Variants in MMP26 observed in about 807,000 individuals in gnomAD.
The protein encoded by MMP26 is matrix metallopeptidase 26.
Under a neutral mutation model 31.0 loss-of-function variants are expected in MMP26, and 33 were observed. That is an observed-to-expected ratio of 1.06 (90% CI 0.81 to 1.42). The LOEUF (loss-of-function observed/expected upper bound fraction) is 1.42, where lower values mean the gene tolerates loss of function less well. Among genes scored for constraint, MMP26 ranks in the 40% most tolerant of loss-of-function variants. MMP26 has a pLI of 0.00. For missense variants in MMP26, 347 were observed against 316.1 expected, an observed-to-expected ratio of 1.10 and a Z score of -0.74; for synonymous variants, 122 against 114.9, an observed-to-expected ratio of 1.06 and a Z score of -0.40.
At chr11:4,973,750 A>T (rs1480653838) in intron 2 of MMP26, 2 of 162,648 alleles carry the variant, frequency 1.2e-5, no homozygotes, top group Non-Finnish European at 2.9e-5. Context: ...ACAGAATGGT[A>T]CAATTCCCTA....
intron 2 of MMP26, among the ~76,000 whole-genome samples, chr11:4,784,150 G>C (rs73399054): frequency 5.3e-5 from 8 of 152,142 alleles, no homozygotes; most frequent in African/African-American, 1.9e-4. Context: ...TCATCTGAAG[G>C]CCTCCTCATT....
In MMP26 at chr11:4,882,704, T is replaced by A. The variant is rs1286724829; in HGVS notation, c.-144-105364T>A. 4 of 1,613,836 alleles carry A rather than the reference T, an allele frequency of 2.5e-6. No homozygotes were observed. In the East Asian group the frequency reaches 8.9e-5, roughly 36 times the overall value. ...CTCTTTGGCACACCGCCTCTTCCACTCCACCCCAAGGGTGCTCTGTAGCAC... is the reference window on the plus strand; with the variant it reads ...CTCTTTGGCACACCGCCTCTTCCACACCACCCCAAGGGTGCTCTGTAGCAC... On this transcript the variant is annotated intron_variant, in intron 2 of 7. Coordinates refer to ENST00000380390, the MANE Select transcript of MMP26 (RefSeq NM_021801.5).
rs989641113 is a variant in MMP26 at position 4,722,811 on chromosome 11, C to G, written c.-217+17766C>G. The stretch of plus-strand genomic sequence containing the variant: ...CTCGATATTCTTCACAACCACGGCC[C>G]TGGTGGAGCTGGTGTGGCTGAAGGA... On this transcript the variant is annotated intron_variant, in intron 1 of 7. Transcript: ENST00000380390. 4.2e-6 allele frequency: 4 copies of G among 953,116 alleles called. No individual in the cohort carries two copies. The African/African-American group carries it at 6.4e-5, about 15-fold the overall frequency. The allele number at this position is 953,116 out of a possible 1,614,324, so 59.0% of individuals were successfully genotyped here.
At chr11:4,784,487 A>G (rs1173194139) in intron 2 of MMP26, among the ~76,000 whole-genome samples, 1 of 152,224 alleles carries the variant, frequency 6.6e-6, no homozygotes, top group African/African-American at 2.4e-5. Context: ...TCCTGGATGA[A>G]CCAGGTGAGT....
chr11:4,727,847 C>G (rs921080543), intron 1 of MMP26, among the ~76,000 whole-genome samples: 1 of 152,076 alleles, frequency 6.6e-6, no homozygotes, highest in Non-Finnish European at 1.5e-5. Flanking sequence ...AAAATCTTCT[C>G]TCTTCAGAGT....
At chr11:4,939,966 T>C (rs1846184772) in intron 2 of MMP26, among the ~76,000 whole-genome samples, 2 of 152,194 alleles carry the variant, frequency 1.3e-5, no homozygotes, top group Admixed American at 1.3e-4. Flanking sequence ...ATTTGTGTTC[T>C]GGCATTTGTC....
At chr11:4,722,938 G>T (rs1411630067) in intron 1 of MMP26, 2 of 784,640 alleles carry the variant, frequency 2.5e-6, no homozygotes, top group Non-Finnish European at 4.6e-6. Context: ...CATAGACACT[G>T]GTGGTCTTTG....
chr11:4,903,852 A>T (rs1254213766), intron 2 of MMP26: 1 of 152,108 alleles, frequency 6.6e-6, no homozygotes, highest in African/African-American at 2.4e-5. Flanking sequence ...AAGGTTTGTT[A>T]AACTGCTTAT....
chr11:4,974,123 G>T (rs144312118), intron 2 of MMP26, among the ~76,000 whole-genome samples: 2 of 151,744 alleles, frequency 1.3e-5, no homozygotes, highest in African/African-American at 4.8e-5. Flanking sequence ...TCTTAAAATA[G>T]ATACAGATTA....
At chr11:4,722,597 C>T in intron 1 of MMP26, 1 of 550,540 alleles carries the variant, frequency 1.8e-6, no homozygotes, top group African/African-American at 1.9e-5. Flanking sequence ...GCACTAAACT[C>T]CCCCGTGGGT....
At chr11:4,987,511 C>T (rs1393926671) in intron 2 of MMP26, among the ~76,000 whole-genome samples, 9 of 151,914 alleles carry the variant, frequency 5.9e-5, no homozygotes, top group Non-Finnish European at 1.3e-4. Context: ...CTCCGCCTCC[C>T]GGGTTCACGC....
chr11:4,946,916 T>C, intron 2 of MMP26: 1 of 1,606,462 alleles, frequency 6.2e-7, no homozygotes, highest in Non-Finnish European at 8.5e-7. Context: ...AAGAAAATAG[T>C]ACATGGGCTC....
intron 2 of MMP26, among the ~76,000 whole-genome samples, chr11:4,870,634 G>C (rs1850298272): frequency 6.6e-6 from 1 of 152,136 alleles, no homozygotes; most frequent in African/African-American, 2.4e-5. Context: ...ATATGAAGAA[G>C]AGAGGGAGAA....
rs150383657 is a variant in MMP26 at position 4,955,055 on chromosome 11, G to T, written c.-144-33013G>T. On this transcript the variant is annotated intron_variant, in intron 2 of 7. Transcript: ENST00000380390. The stretch of plus-strand genomic sequence containing the variant: ...TCCCGGTACAGTCTTGAGGATCAGG[G>T]TGTAAGACACAGCAATGAGAATAAA... 2.1e-6 allele frequency: 3 copies of T among 1,454,830 alleles called. 1 individual carries two copies. The highest frequency in any genetic ancestry group is 1.5e-5 in the African/African-American group (1 of 68,098). The allele number at this position is 1,454,830 out of a possible 1,614,324, so 90.1% of individuals were successfully genotyped here.
chr11:4,992,216 GA>G lies in MMP26; in HGVS notation c.765del (p.Lys255AsnfsTer41). ...DIQRIQHLYG[E>X]KCSSDIP ...GTTTTTTTTTTCTGTTTCCATAGGAGAAAAATGTTCATCTGACATACCTTAA... is the reference window on the plus strand; with the variant it reads ...GTTTTTTTTTTCTGTTTCCATAGGAGAAAATGTTCATCTGACATACCTTAA... On this transcript the variant is annotated frameshift_variant, in exon 8 of 8. Transcript: ENST00000380390. LOFTEE classifies it high-confidence loss of function. The G allele has an allele frequency of 6.2e-7, 1 of 1,610,174 alleles. No homozygotes were observed. The highest frequency in any genetic ancestry group is 2.2e-5 in the East Asian group (1 of 44,792).
chr11:4,933,796 T>G lies in MMP26; in HGVS notation c.-144-54272T>G, dbSNP rs570851061. On this transcript the variant is annotated intron_variant, in intron 2 of 7. Coordinates refer to ENST00000380390, the MANE Select transcript of MMP26 (RefSeq NM_021801.5). ...TGTCCATGTGATCTCATTGTTCAAT[T>G]CCCACCTATAAGTGAGAATATGCAG... 2.2e-4 allele frequency among the ~76,000 whole-genome samples: 33 copies of G among 148,538 alleles called. No individual in the cohort carries two copies. The South Asian group carries it at 3.4e-3, about 15-fold the overall frequency.
chr11:4,923,659 C>G, intron 2 of MMP26: 1 of 1,613,996 alleles, frequency 6.2e-7, no homozygotes, highest in Non-Finnish European at 8.5e-7. Context: ...CAATGCTGAG[C>G]ACGGTGCGAA....
At chr11:4,788,863 T>C (rs938264802) in intron 2 of MMP26, among the ~76,000 whole-genome samples, 1 of 152,104 alleles carries the variant, frequency 6.6e-6, no homozygotes, top group Non-Finnish European at 1.5e-5. Flanking sequence ...CAGCATGTAT[T>C]GAATGGATGG....
chr11:4,819,918 A>G (rs1036205595), intron 2 of MMP26, among the ~76,000 whole-genome samples: 2 of 152,048 alleles, frequency 1.3e-5, no homozygotes, highest in African/African-American at 4.8e-5. Context: ...GTTATTTTCC[A>G]TAGTGGATAT....
Sources: gnomAD v4.1 joint callset for allele counts (sites outside exome capture counted in the v4.1 genomes callset) on GRCh38, gnomAD v4.1.1 for gene constraint, MANE v1.5 for transcripts, NCBI Gene and HGNC (gene_info 2026-07-23, HGNC 2026-07-21) for gene names.